Variants in GRIA1 observed in about 807,000 individuals in gnomAD.
The protein encoded by GRIA1 is glutamate receptor 1.
GRIA1 carries 31 observed loss-of-function variants against 99.2 expected under a neutral mutation model. That is an observed-to-expected ratio of 0.31 (90% CI 0.23 to 0.42). The LOEUF (loss-of-function observed/expected upper bound fraction) is 0.42. GRIA1 is among the 10% of genes least tolerant of loss of function. The pLI is 1.00. For synonymous variants in GRIA1, 438 were observed against 432.4 expected (o/e 1.01, Z -0.16); for missense variants, 782 against 1,157.5 (o/e 0.68, Z 4.71).
At position 153,802,077 on chromosome 5, in the gene GRIA1, C is replaced by CAATG. The variant is rs1766076475; in HGVS notation, c.2386-279_2386-278insAATG. ...CCTAAATTTCTTGTGATATCTCTCA[C>CAATG]CCTAGAAAAGGCATTGAGGAGTGGG... On this transcript the variant is annotated intron_variant, in intron 14 of 15. Transcript: ENST00000285900. 3.9e-5 allele frequency among the ~76,000 whole-genome samples: 6 copies of CAATG among 152,106 alleles called. No individual in the cohort carries two copies. The South Asian group carries it at 1.2e-3, about 32-fold the overall frequency.
Position 153,511,118 on chromosome 5 carries a change from C to T in GRIA1, c.220+17053C>T, listed in dbSNP as rs542049190. Among the ~76,000 whole-genome samples, 28 of 152,238 alleles carry T rather than the reference C, an allele frequency of 1.8e-4. No homozygotes were observed. In the South Asian group the frequency reaches 4.8e-3, roughly 26 times the overall value. On this transcript the variant is annotated intron_variant, in intron 2 of 15. Coordinates refer to ENST00000285900, the MANE Select transcript of GRIA1 (RefSeq NM_000827.4). ...GTCCCTCTGTAGCCCACAGAACAGG[C>T]GGGTCTGATTGCTTGGTGAGTGACA...
intron 12 of GRIA1, among the ~76,000 whole-genome samples, chr5:153,768,908 C>G (rs937154915): frequency 6.6e-6 from 1 of 152,166 alleles, no homozygotes; most frequent in Non-Finnish European, 1.5e-5. Flanking sequence ...CCCTAAAATA[C>G]ATCTACCCTT....
intron 7 of GRIA1, among the ~76,000 whole-genome samples, chr5:153,678,876 T>G (rs1368568295): frequency 6.6e-6 from 1 of 152,184 alleles, no homozygotes; most frequent in Non-Finnish European, 1.5e-5. Flanking sequence ...AAACATTCAC[T>G]TAGCTCTCCT....
At chr5:153,671,420 G>A (rs1434541015) in intron 5 of GRIA1, among the ~76,000 whole-genome samples, 1 of 152,166 alleles carries the variant, frequency 6.6e-6, no homozygotes, top group Non-Finnish European at 1.5e-5. Flanking sequence ...CTGTGCTCTA[G>A]CTTTTAACCA....
chr5:153,517,252 T>G (rs1483260317), intron 2 of GRIA1, among the ~76,000 whole-genome samples: 2 of 152,210 alleles, frequency 1.3e-5, no homozygotes, highest in Non-Finnish European at 2.9e-5. Context: ...GTTTTCAGTT[T>G]CCTGACAGCA....
At chr5:153,672,854 G>A (rs1756293617) in intron 5 of GRIA1, among the ~76,000 whole-genome samples, 1 of 152,204 alleles carries the variant, frequency 6.6e-6, no homozygotes, top group Non-Finnish European at 1.5e-5. Context: ...GGAGCTGAAA[G>A]GGAATTGCCT....
intron 5 of GRIA1, among the ~76,000 whole-genome samples, chr5:153,661,240 G>T (rs1172340598): frequency 6.6e-6 from 1 of 152,166 alleles, no homozygotes; most frequent in Admixed American, 6.5e-5. Context: ...TTCTGGTTAG[G>T]CAGGTGGTAT....
At chr5:153,529,717 C>T (rs543955807) in intron 2 of GRIA1, among the ~76,000 whole-genome samples, 4 of 152,236 alleles carry the variant, frequency 2.6e-5, no homozygotes, top group Non-Finnish European at 4.4e-5. Flanking sequence ...GAGGGTTATT[C>T]GTAACTGATG....
At chr5:153,643,197 C>T (rs1216698680) in intron 2 of GRIA1, among the ~76,000 whole-genome samples, 2 of 152,182 alleles carry the variant, frequency 1.3e-5, no homozygotes, top group Non-Finnish European at 2.9e-5. Context: ...AATCAGTAAA[C>T]ATTTTCCAAT....
chr5:153,737,500 C>G (rs2149568860), intron 11 of GRIA1, among the ~76,000 whole-genome samples: 1 of 152,200 alleles, frequency 6.6e-6, no homozygotes, highest in African/African-American at 2.4e-5. Context: ...ATTTGCCAGT[C>G]AGGATTTGCC....
intron 2 of GRIA1, among the ~76,000 whole-genome samples, chr5:153,637,857 C>T (rs1292758547): frequency 1.3e-5 from 2 of 152,108 alleles, no homozygotes; most frequent in South Asian, 2.1e-4. Flanking sequence ...GTAACAGCAC[C>T]GTGCAATTTT....
chr5:153,514,228 C>T (rs1198901534), intron 2 of GRIA1, among the ~76,000 whole-genome samples: 9 of 152,186 alleles, frequency 5.9e-5, no homozygotes, highest in Non-Finnish European at 1.0e-4. Context: ...CTTTTGTTGT[C>T]TATGCTTTTG....
At chr5:153,743,374 C>T (rs1416137954) in intron 11 of GRIA1, among the ~76,000 whole-genome samples, 2 of 152,198 alleles carry the variant, frequency 1.3e-5, no homozygotes, top group East Asian at 3.8e-4. Flanking sequence ...ATTCTCTGCT[C>T]AGGTTCTCAT....
chr5:153,790,575 G>A (rs972979157), intron 13 of GRIA1, among the ~76,000 whole-genome samples: 4 of 152,074 alleles, frequency 2.6e-5, no homozygotes, highest in Admixed American at 6.6e-5. Context: ...TCTCACCAGC[G>A]TGAGGTAAAA....
At chr5:153,550,981 C>T (rs1332514472) in intron 2 of GRIA1, among the ~76,000 whole-genome samples, 1 of 152,104 alleles carries the variant, frequency 6.6e-6, no homozygotes, top group Non-Finnish European at 1.5e-5. Context: ...ATATTCTTAA[C>T]AAGCTCTCAA....
intron 4 of GRIA1, among the ~76,000 whole-genome samples, chr5:153,654,353 T>C (rs566456526): frequency 6.6e-6 from 1 of 152,324 alleles, no homozygotes; most frequent in Non-Finnish European, 1.5e-5. Context: ...ATTTGTACTT[T>C]CATCTTGTGG....
chr5:153,704,681 G>A (rs111584129), intron 10 of GRIA1, among the ~76,000 whole-genome samples: 29 of 152,298 alleles, frequency 1.9e-4, no homozygotes, highest in African/African-American at 7.0e-4. Context: ...CTCCTGGAAT[G>A]CTGTTCCATG....
At chr5:153,810,512 A>G (rs1480818926) in intron 15 of GRIA1, among the ~76,000 whole-genome samples, 1 of 152,238 alleles carries the variant, frequency 6.6e-6, no homozygotes, top group East Asian at 1.9e-4. Flanking sequence ...TTCATGCGGT[A>G]GCACCATTCT....
intron 11 of GRIA1, among the ~76,000 whole-genome samples, chr5:153,761,094 C>G (rs966941180): frequency 6.6e-6 from 1 of 151,946 alleles, no homozygotes; most frequent in African/African-American, 2.4e-5. Context: ...ACAGGGGAAA[C>G]GTTTCATGAT....
Sources: allele counts gnomAD v4.1 joint callset (sites outside exome capture counted in the v4.1 genomes callset), GRCh38; gene constraint gnomAD v4.1.1; transcripts MANE v1.5; gene names NCBI Gene and HGNC (gene_info 2026-07-23, HGNC 2026-07-21).